The following RNF125 variants were observed in gnomAD, a reference collection of about 807,000 sequenced individuals.
The protein encoded by RNF125 is ring finger protein 125.
A neutral mutation model predicts 26.0 loss-of-function variants in RNF125; 21 were observed. That is an observed-to-expected ratio of 0.81 (90% CI 0.57 to 1.16). The LOEUF is 1.16. Ranked by LOEUF, RNF125 falls within the 50% of genes most tolerant of loss-of-function variation. The probability of loss-of-function intolerance (pLI) is 0.00; values close to 1 mark genes in which losing one functional copy is unlikely to be tolerated. For missense variants in RNF125, 270 were observed against 299.4 expected, an observed-to-expected ratio of 0.90 and a Z score of 0.72; for synonymous variants, 95 against 109.2, an observed-to-expected ratio of 0.87 and a Z score of 0.81.
At chr18:32,024,342 C>T (rs1249796261) in intron 1 of RNF125, among the ~76,000 whole-genome samples, 2 of 151,612 alleles carry the variant, frequency 1.3e-5, no homozygotes, top group Non-Finnish European at 2.9e-5. Flanking sequence ...TACAGGCGTG[C>T]ACCACCACAC....
Position 32,069,846 on chromosome 18 carries a change from C to T in RNF125, c.*1462C>T, listed in dbSNP as rs1288175113. On this transcript the variant is annotated 3_prime_UTR_variant, in exon 6 of 6. Coordinates refer to ENST00000217740, the MANE Select transcript of RNF125 (RefSeq NM_017831.4). The stretch of plus-strand genomic sequence containing the variant: ...CCTGATCCTAGGACCTATAGAGTTT[C>T]CCATACTTTGTATTTTGCTGATTGC... 1 of 152,150 alleles carries T rather than the reference C, an allele frequency of 6.6e-6. No individual in the cohort carries two copies. Among genetic ancestry groups the T allele is most frequent in the South Asian group, 2.1e-4 (1 of 4,824 alleles). The allele number at this position is 152,150 out of a possible 1,614,324, so 9.4% of individuals were successfully genotyped here.
intron 1 of RNF125, among the ~76,000 whole-genome samples, chr18:32,034,747 T>C (rs960238080): frequency 6.6e-6 from 1 of 151,148 alleles, no homozygotes; most frequent in Non-Finnish European, 1.5e-5. Flanking sequence ...ACACAGTCGC[T>C]ACTAGAAGTA....
intron 4 of RNF125, among the ~76,000 whole-genome samples, chr18:32,049,846 T>G (rs915740345): frequency 6.6e-6 from 1 of 152,122 alleles, no homozygotes; most frequent in Non-Finnish European, 1.5e-5. Flanking sequence ...AGTCATGATT[T>G]ACCCCATGGT....
intron 1 of RNF125, among the ~76,000 whole-genome samples, chr18:32,034,284 G>A (rs146147126): frequency 6.6e-6 from 1 of 152,242 alleles, no homozygotes; most frequent in African/African-American, 2.4e-5. Flanking sequence ...TCTTCTCTGT[G>A]GTTCATCCTT....
the RNF125 span, among the ~76,000 whole-genome samples, chr18:32,079,751 C>A: frequency 1.3e-5 from 2 of 152,208 alleles, no homozygotes; most frequent in Admixed American, 1.3e-4. Flanking sequence ...AACTACCAGA[C>A]AACTTCTCTC....
chr18:32,058,293 G>A (rs1396970538), intron 4 of RNF125, among the ~76,000 whole-genome samples: 1 of 151,968 alleles, frequency 6.6e-6, no homozygotes, highest in African/African-American at 2.4e-5. Context: ...AGGGTAAATG[G>A]CATACCCATC....
Position 32,069,515 on chromosome 18 carries a change from A to G in RNF125, c.*1131A>G, listed in dbSNP as rs1380722809. On this transcript the variant is annotated 3_prime_UTR_variant, in exon 6 of 6. Coordinates refer to ENST00000217740, the MANE Select transcript of RNF125 (RefSeq NM_017831.4). ...TTATGAAATAAAAGTACTGAAAACC[A>G]GACACAAAATTTATAGCTGAATGCC... 7 of 152,164 alleles carry G rather than the reference A, an allele frequency of 4.6e-5. No individual in the cohort carries two copies. The highest frequency in any genetic ancestry group is 1.0e-4 in the Non-Finnish European group (7 of 68,028). The allele number at this position is 152,164 out of a possible 1,614,324, so 9.4% of individuals were successfully genotyped here.
At chr18:32,048,257 CAAAAAA>C (rs56147477) in intron 4 of RNF125, among the ~76,000 whole-genome samples, 2 of 117,790 alleles carry the variant, frequency 1.7e-5, no homozygotes, top group Non-Finnish European at 3.6e-5. Context: ...ACTAAAAATA[CAAAAAA>C]AAAAAAAAAA....
At position 32,047,289 on chromosome 18, in the gene RNF125, C is replaced by T. The variant is rs117532445; in HGVS notation, c.504+1557C>T. Reference sequence around the variant, plus strand: ...TTCTGACCTTGTGGTTCGCCCACGTCGGCCTCCCAAAGGCTGGGATTACAG... The same window carrying T: ...TTCTGACCTTGTGGTTCGCCCACGTTGGCCTCCCAAAGGCTGGGATTACAG... On this transcript the variant is annotated intron_variant, in intron 4 of 5. Transcript: ENST00000217740. Among the ~76,000 whole-genome samples, 13 of 152,306 alleles carry T rather than the reference C, an allele frequency of 8.5e-5. No homozygotes were observed. The East Asian group carries it at 9.6e-4, about 11-fold the overall frequency.
At chr18:32,028,606 A>C (rs12963104) in intron 1 of RNF125, among the ~76,000 whole-genome samples, 13,570 of 131,666 alleles carry the variant, frequency 0.1, 656 homozygotes, top group Middle Eastern at 0.12. Flanking sequence ...TTTTTTTGAG[A>C]TGGGGTCTCG....
At chr18:32,041,620 CTTTTTTTTTTTTTT>C (rs60264747) in intron 2 of RNF125, among the ~76,000 whole-genome samples, 1 of 93,280 alleles carries the variant, frequency 1.1e-5, no homozygotes, top group South Asian at 3.8e-4. Context: ...AATGTAGATG[CTTTTTTTTTTTTTT>C]TTTTTTTTTT....
chr18:32,044,549 T>C (rs369329775), intron 3 of RNF125, among the ~76,000 whole-genome samples: 2 of 151,998 alleles, frequency 1.3e-5, no homozygotes, highest in African/African-American at 4.8e-5. Context: ...TGAATTTTTT[T>C]ATTTTTTTTG....
At chr18:32,085,009 TGAG>T in the RNF125 span, among the ~76,000 whole-genome samples, 3 of 152,130 alleles carry the variant, frequency 2.0e-5, no homozygotes, top group Non-Finnish European at 4.4e-5. Flanking sequence ...TGCAGAGGTG[TGAG>T]GAGAGAATTT....
the RNF125 span, among the ~76,000 whole-genome samples, chr18:32,090,533 T>C: frequency 6.6e-6 from 1 of 152,238 alleles, no homozygotes; most frequent in Non-Finnish European, 1.5e-5. Context: ...TAGGAATCAA[T>C]GCTTTTGAGA....
At chr18:32,053,887 C>A (rs1481162552) in intron 4 of RNF125, among the ~76,000 whole-genome samples, 1 of 151,870 alleles carries the variant, frequency 6.6e-6, no homozygotes, top group Non-Finnish European at 1.5e-5. Flanking sequence ...CTGGTAAGGA[C>A]CAGTTCAGAA....
rs1300497151 is a variant in RNF125, at chr18:32,055,837, G to A, written c.505-10065G>A. Reference sequence around the variant, plus strand: ...TCTACTAAAAATACAAAATTAGCCGGGTGTGGTGGCGCATGCCTGTAATCC... The same window carrying A: ...TCTACTAAAAATACAAAATTAGCCGAGTGTGGTGGCGCATGCCTGTAATCC... On this transcript the variant is annotated intron_variant, in intron 4 of 5. Transcript: ENST00000217740. 3.3e-5 allele frequency among the ~76,000 whole-genome samples: 5 copies of A among 151,804 alleles called. No individual in the cohort carries two copies. In the South Asian group the frequency reaches 1.0e-3, roughly 32 times the overall value.
intron 5 of RNF125, among the ~76,000 whole-genome samples, chr18:32,067,323 T>G (rs553408664): frequency 6.6e-6 from 1 of 152,308 alleles, no homozygotes; most frequent in South Asian, 2.1e-4. Context: ...CTGTTCTGTC[T>G]AATCATGCTC....
rs1213940709 is a variant in RNF125 at position 32,071,408 on chromosome 18, A to C, written c.*3024A>C. On this transcript the variant is annotated 3_prime_UTR_variant, in exon 6 of 6. Coordinates refer to ENST00000217740, the MANE Select transcript of RNF125 (RefSeq NM_017831.4). The stretch of plus-strand genomic sequence containing the variant: ...GTTGGCCTCCTAAAGTACTGGGATT[A>C]CAGGTGTGTGCCACCGCGCCAGGCA... 2.6e-5 allele frequency: 4 copies of C among 151,992 alleles called. No homozygotes were observed. Among genetic ancestry groups the C allele is most frequent in the African/African-American group, 7.2e-5 (3 of 41,436 alleles). The allele number at this position is 151,992 out of a possible 1,614,324, so 9.4% of individuals were successfully genotyped here.
At chr18:32,056,635 A>AT (rs1465986443) in intron 4 of RNF125, among the ~76,000 whole-genome samples, 2 of 151,520 alleles carry the variant, frequency 1.3e-5, no homozygotes, top group African/African-American at 4.8e-5. Flanking sequence ...AAAAAAAAAA[A>AT]AAAAAGACAA....
Sources: gnomAD v4.1 joint callset for allele counts (sites outside exome capture counted in the v4.1 genomes callset) on GRCh38, gnomAD v4.1.1 for gene constraint, MANE v1.5 for transcripts, NCBI Gene and HGNC (gene_info 2026-07-23, HGNC 2026-07-21) for gene names.